MPHOSPH6: variants seen among roughly 807,000 people sequenced by gnomAD.
The protein encoded by MPHOSPH6 is M-phase phosphoprotein 6.
A neutral mutation model predicts 21.8 loss-of-function variants in MPHOSPH6; 25 were observed. That is an observed-to-expected ratio of 1.15 (90% CI 0.83 to 1.60). The LOEUF (loss-of-function observed/expected upper bound fraction) is 1.60. Among genes scored for constraint, MPHOSPH6 ranks in the 40% most tolerant of loss-of-function variants. The probability of loss-of-function intolerance (pLI) is 0.00; values close to 1 mark genes in which losing one functional copy is unlikely to be tolerated. For synonymous variants in MPHOSPH6, 84 were observed against 56.5 expected (o/e 1.49, Z -2.18); for missense variants, 269 against 181.8 (o/e 1.48, Z -2.76).
chr16:82,166,089 G>C (rs1002805757), intron 1 of MPHOSPH6, among the ~76,000 whole-genome samples: 3 of 152,206 alleles, frequency 2.0e-5, no homozygotes, highest in African/African-American at 7.2e-5. Context: ...ATCTGCGTCA[G>C]CTCACTGTCA....
Position 82,149,338 on chromosome 16 carries a change from A to AATG in MPHOSPH6, c.320_321insCAT (p.Leu107_Asp108insIle). On this transcript the variant is annotated inframe_insertion, in exon 4 of 5. Coordinates refer to ENST00000258169, the MANE Select transcript of MPHOSPH6 (RefSeq NM_005792.2). Reference sequence around the variant, plus strand: ...TAGCCATCTCTTCATCTGACACATCAAGCTCTACTGTTTCATCTTCAACTT... The same window carrying AATG: ...TAGCCATCTCTTCATCTGACACATCAATGAGCTCTACTGTTTCATCTTCAACTT... The AATG allele has an allele frequency of 6.2e-7, 1 of 1,613,392 alleles. No homozygotes were observed. Among genetic ancestry groups the AATG allele is most frequent in the Non-Finnish European group, 8.5e-7 (1 of 1,180,028 alleles).
chr16:82,148,956 A>C, intron 4 of MPHOSPH6, 93 bp from the exon 5 acceptor site: 1 of 1,448,848 alleles, frequency 6.9e-7, no homozygotes, highest in Non-Finnish European at 9.4e-7. Flanking sequence ...TGCAATAAAA[A>C]AGATTACGAA....
intron 2 of MPHOSPH6, among the ~76,000 whole-genome samples, chr16:82,160,305 A>C (rs1906567538): frequency 1.3e-5 from 2 of 152,316 alleles, no homozygotes; most frequent in East Asian, 3.9e-4. Context: ...CACACCCACA[A>C]AATTATTTCA....
At chr16:82,165,269 G>A (rs1361968246) in intron 1 of MPHOSPH6, among the ~76,000 whole-genome samples, 6 of 151,124 alleles carry the variant, frequency 4.0e-5, no homozygotes, top group Non-Finnish European at 7.4e-5. Context: ...CTGAGATTAC[G>A]CGCCTGCCAC....
At chr16:82,165,165 T>A (rs567924200) in intron 1 of MPHOSPH6, among the ~76,000 whole-genome samples, 2 of 135,798 alleles carry the variant, frequency 1.5e-5, no homozygotes, top group South Asian at 5.2e-4. Flanking sequence ...TCTCACTCTG[T>A]CGCCCAGGCT....
At chr16:82,149,186 A>G (rs951590913) in intron 4 of MPHOSPH6, 123 bp downstream of exon 4, 1 of 1,040,024 alleles carries the variant, frequency 9.6e-7, no homozygotes. Context: ...GGCCGATCAC[A>G]GTCATCGTCC....
rs572628618 is a variant in MPHOSPH6, at chr16:82,148,660, A to C, written c.*71T>G. 1.3e-5 allele frequency: 21 copies of C among 1,560,634 alleles called. No individual in the cohort carries two copies. The South Asian group carries it at 2.2e-4, about 16-fold the overall frequency. ...CAGTATTAATAACTATAGAGACACC[A>C]TTGGGATGAGCTCCAGATGCCCTGC... On this transcript the variant is annotated 3_prime_UTR_variant, in exon 5 of 5. Coordinates refer to ENST00000258169, the MANE Select transcript of MPHOSPH6 (RefSeq NM_005792.2).
chr16:82,163,835 T>A, intron 2 of MPHOSPH6: 1 of 379,064 alleles, frequency 2.6e-6, no homozygotes, highest in East Asian at 5.3e-5. Context: ...ATCAGAGATA[T>A]GTGGGCTAGG....
At chr16:82,152,800 A>G (rs1308818727) in intron 2 of MPHOSPH6, among the ~76,000 whole-genome samples, 1 of 152,212 alleles carries the variant, frequency 6.6e-6, no homozygotes, top group Non-Finnish European at 1.5e-5. Flanking sequence ...TGACATATCT[A>G]TCTCCAGCCT....
chr16:82,164,340 G>T, intron 1 of MPHOSPH6, 146 bp from the exon 2 acceptor site: 2 of 619,644 alleles, frequency 3.2e-6, no homozygotes, highest in South Asian at 4.1e-5. Context: ...GTGATCAAAC[G>T]GTTTAGCTCT....
Position 82,148,594 on chromosome 16 carries a change from G to T in MPHOSPH6, c.*137C>A, listed in dbSNP as rs1906156159. ...CCATCACACATCTGTTTCAAAAACAGCATGTTTCTAAAATGATAATCTCTT... is the reference window on the plus strand; with the variant it reads ...CCATCACACATCTGTTTCAAAAACATCATGTTTCTAAAATGATAATCTCTT... On this transcript the variant is annotated 3_prime_UTR_variant, in exon 5 of 5. Coordinates refer to ENST00000258169, the MANE Select transcript of MPHOSPH6 (RefSeq NM_005792.2). 4 of 1,106,242 alleles carry T rather than the reference G, an allele frequency of 3.6e-6. No homozygotes were observed. The African/African-American group carries it at 4.7e-5, about 13-fold the overall frequency. The allele number at this position is 1,106,242 out of a possible 1,614,324, so 68.5% of individuals were successfully genotyped here.
At chr16:82,161,156 T>C (rs1906594735) in intron 2 of MPHOSPH6, among the ~76,000 whole-genome samples, 1 of 152,254 alleles carries the variant, frequency 6.6e-6, no homozygotes. Context: ...TGAAGGCTCC[T>C]GTGTCACCTA....
chr16:82,164,092 T>C lies in MPHOSPH6; in HGVS notation c.154A>G (p.Lys52Glu), dbSNP rs1906686246. 3.7e-6 allele frequency: 6 copies of C among 1,608,418 alleles called. No individual in the cohort carries two copies. Among genetic ancestry groups the C allele is most frequent in the South Asian group, 1.1e-5 (1 of 90,518 alleles). The change falls in exon 2 of 5, where the codon AAA becomes GAA. Residue 52 changes from lysine to glutamate, a missense_variant. Lys to Glu is a moderately conservative substitution (Grantham distance 56, BLOSUM62 1). Transcript: ENST00000258169. ...EHWYLDLPELKEKESFIIEEQ... is the reference protein window; with the variant it reads ...EHWYLDLPELEEKESFIIEEQ... Reference sequence around the variant, plus strand: ...TTTTAATAAACCTACTCTTTCTCTTTAAGCTCTGGCAAATCCAAGTACCAG... The same window carrying C: ...TTTTAATAAACCTACTCTTTCTCTTCAAGCTCTGGCAAATCCAAGTACCAG...
chr16:82,164,272 C>G, intron 1 of MPHOSPH6, 78 bp from the exon 2 acceptor site: 1 of 913,012 alleles, frequency 1.1e-6, no homozygotes, highest in East Asian at 2.5e-5. Flanking sequence ...TTTTCTTCTT[C>G]TACTTGTTCT....
chr16:82,165,046 G>A (rs1692419977), intron 1 of MPHOSPH6: 1 of 149,868 alleles, frequency 6.7e-6, no homozygotes, highest in African/African-American at 2.5e-5. Flanking sequence ...CCTCCTAGCA[G>A]TTAGGTTTCA....
At chr16:82,161,144 T>C (rs770205995) in intron 2 of MPHOSPH6, among the ~76,000 whole-genome samples, 2 of 152,260 alleles carry the variant, frequency 1.3e-5, no homozygotes, top group Non-Finnish European at 2.9e-5. Flanking sequence ...TTCATTTTCT[T>C]ATGAAGGCTC....
At chr16:82,163,632 G>T (rs1401139079) in intron 2 of MPHOSPH6, among the ~76,000 whole-genome samples, 1 of 152,230 alleles carries the variant, frequency 6.6e-6, no homozygotes, top group East Asian at 1.9e-4. Context: ...GTAAATGTTA[G>T]CTAAAATGGA....
chr16:82,170,048 C>A, intron 1 of MPHOSPH6, 77 bp downstream of exon 1: 1 of 1,492,060 alleles, frequency 6.7e-7, no homozygotes, highest in Non-Finnish European at 9.0e-7. Flanking sequence ...CTTGTCCGCC[C>A]GCCGCCTCGG....
chr16:82,170,013 GC>G, intron 1 of MPHOSPH6, 111 bp downstream of exon 1: 1 of 1,177,730 alleles, frequency 8.5e-7, no homozygotes, highest in South Asian at 1.5e-5. Flanking sequence ...AGAGCTGGAA[GC>G]CCTCTGAGGC....
Sources: gnomAD v4.1 joint callset for allele counts (sites outside exome capture counted in the v4.1 genomes callset) on GRCh38, gnomAD v4.1.1 for gene constraint, MANE v1.5 for transcripts, NCBI Gene and HGNC (gene_info 2026-07-23, HGNC 2026-07-21) for gene names.